Variants in TREML1 observed in about 807,000 individuals in gnomAD.
TREML1 encodes triggering receptor expressed on myeloid cells like 1.
A neutral mutation model predicts 22.8 loss-of-function variants in TREML1; 27 were observed. The ratio of observed to expected loss-of-function variants is 1.19; its 90% CI spans 0.87 to 1.64. The LOEUF (loss-of-function observed/expected upper bound fraction) is 1.64, where lower values mean the gene tolerates loss of function less well. TREML1 is among the 40% of genes most tolerant of loss of function. TREML1 has a pLI of 0.00. For synonymous variants in TREML1, 153 were observed against 161.9 expected, an observed-to-expected ratio of 0.94 and a Z score of 0.42; for missense variants, 356 against 382.0, an observed-to-expected ratio of 0.93 and a Z score of 0.57.
At position 41,149,686 on chromosome 6, in the gene TREML1, A is replaced by T. The variant is rs779045433; in HGVS notation, c.854T>A (p.Ile285Asn). 6.2e-7 allele frequency: 1 copy of T among 1,614,176 alleles called. No individual in the cohort carries two copies. Among genetic ancestry groups the T allele is most frequent in the Non-Finnish European group, 8.5e-7 (1 of 1,180,032 alleles). The part of the protein sequence containing the change: ...CSKPVTYATV[I>N]FPGGNKGGGT... ...TCCACCCTTGTTCCCTCCCGGGAAG[A>T]TTACTGTGGCATATGTCACAGGCTT... The change falls in exon 6 of 6, where the codon ATC becomes AAC. Residue 285 changes from isoleucine (I) to asparagine (N), a missense_variant. Transcript: ENST00000426005.
chr6:41,154,162 G>A (rs914514647), intron 1 of TREML1, 72 bp from the exon 2 acceptor site: 2 of 1,588,194 alleles, frequency 1.3e-6, no homozygotes, highest in East Asian at 2.2e-5. Flanking sequence ...GCTGGTATGG[G>A]TGTGGCATTC....
At chr6:41,152,822 G>A (rs906314817) in intron 2 of TREML1, among the ~76,000 whole-genome samples, 4 of 152,074 alleles carry the variant, frequency 2.6e-5, no homozygotes, top group Non-Finnish European at 1.5e-5. Context: ...GCAGTGAGCC[G>A]ATAGTGCCAC....
Position 41,154,282 on chromosome 6 carries a change from G to C in TREML1, c.7C>G (p.Leu3Val), listed in dbSNP as rs751687601. 1 of 1,614,072 alleles carries C rather than the reference G, an allele frequency of 6.2e-7. No individual in the cohort carries two copies. The highest frequency in any genetic ancestry group is 8.5e-7 in the Non-Finnish European group (1 of 1,179,982). Residue 3 changes from leucine to valine, a missense_variant, in exon 1 of 6, where the codon CTC becomes GTC. Leu to Val is a conservative substitution (Grantham distance 32). Coordinates refer to ENST00000426005, the MANE Select transcript of TREML1 (RefSeq NM_178174.4). MGLTLLLLLLLGL... is the reference protein window; with the variant it reads MGVTLLLLLLLGL... ...AGGAGCAGCAGCAAGAGCAGGGTGAGGCCCATGGCTGGGCAGAGAAATGTC... is the reference window on the plus strand; with the variant it reads ...AGGAGCAGCAGCAAGAGCAGGGTGACGCCCATGGCTGGGCAGAGAAATGTC...
chr6:41,155,375 T>C (rs878947728), upstream of TREML1, among the ~76,000 whole-genome samples: 23 of 136,828 alleles, frequency 1.7e-4, no homozygotes, highest in Admixed American at 6.5e-4. Context: ...GAGTAAACGT[T>C]TCTCTCTCTC....
chr6:41,154,128 C>T, intron 1 of TREML1, 38 bp from the exon 2 acceptor site: 1 of 1,597,306 alleles, frequency 6.3e-7, no homozygotes, highest in Non-Finnish European at 8.5e-7. Flanking sequence ...TGGGCAGGAG[C>T]TGGGAGCATC....
intron 2 of TREML1, chr6:41,151,617 C>A: frequency 1.9e-6 from 1 of 529,720 alleles, no homozygotes; most frequent in Non-Finnish European, 3.4e-6. Context: ...GTGACTACAC[C>A]CACTTTTCCC....
rs1309618487 is a variant in TREML1, at chr6:41,151,383, C to T, written c.378G>A (p.Glu126=). The part of the protein sequence containing the change: ...HRVSLNILPP[E]EEEETHKIGS... ...CAATCTTATGGGTCTCTTCTTCTTC[C>T]TCTGTCAGGCCAGGAATGGAGTCAG... The change falls in exon 3 of 6, where the codon GAG becomes GAA. Residue 126 remains glutamate (E), a splice_region_variant and synonymous_variant. Coordinates refer to ENST00000426005, the MANE Select transcript of TREML1 (RefSeq NM_178174.4). The T allele has an allele frequency of 6.2e-7, 1 of 1,613,352 alleles. No individual in the cohort carries two copies. Among genetic ancestry groups the T allele is most frequent in the East Asian group, 2.2e-5 (1 of 44,876 alleles).
chr6:41,150,017 G>T, intron 5 of TREML1, 99 bp from the exon 6 acceptor site: 2 of 1,227,062 alleles, frequency 1.6e-6, no homozygotes, highest in Non-Finnish European at 2.3e-6. Flanking sequence ...CTTGAATCCT[G>T]AGTATATCAG....
rs775095905 is a variant in TREML1 at position 41,154,309 on chromosome 6, ACTC to A, written c.-24_-22del. The A allele has an allele frequency of 7.4e-6, 12 of 1,612,344 alleles. 1 individual carries two copies. In the Admixed American group the frequency reaches 1.8e-4, roughly 25 times the overall value. On this transcript the variant is annotated 5_prime_UTR_variant, in exon 1 of 6. Coordinates refer to ENST00000426005, the MANE Select transcript of TREML1 (RefSeq NM_178174.4). Reference sequence around the variant, plus strand: ...CCCATGGCTGGGCAGAGAAATGTCAACTCCTGGGCTTGCCTGGGCACTGATGCA... The same window carrying A: ...CCCATGGCTGGGCAGAGAAATGTCAACTGGGCTTGCCTGGGCACTGATGCA...
In TREML1 at chr6:41,149,694, G is replaced by A; in HGVS notation, c.846C>T (p.Ala282=). ...TGTTCCCTCCCGGGAAGATTACTGT[G>A]GCATATGTCACAGGCTTGGAGCAGA... is the stretch of plus-strand genomic sequence containing the variant. ...VLVCSKPVTY[A]TVIFPGGNKG... The change falls in exon 6 of 6, where the codon GCC becomes GCT. Residue 282 remains alanine, a synonymous_variant. Transcript: ENST00000426005. 2 of 1,614,182 alleles carry A rather than the reference G, an allele frequency of 1.2e-6. No homozygotes were observed. The highest frequency in any genetic ancestry group is 1.1e-5 in the South Asian group (1 of 91,088).
chr6:41,154,119 G>C (rs1271730999), intron 1 of TREML1, 29 bp from the exon 2 acceptor site: 1 of 1,600,960 alleles, frequency 6.2e-7, no homozygotes, highest in Admixed American at 1.7e-5. Context: ...TGGGAATTTT[G>C]GGCAGGAGCT....
chr6:41,149,410 G>T lies in TREML1; in HGVS notation c.*194C>A, dbSNP rs966649278. The T allele has an allele frequency of 3.4e-6, 2 of 589,644 alleles. No individual in the cohort carries two copies. The highest frequency in any genetic ancestry group is 5.9e-6 in the Non-Finnish European group (2 of 338,412). 36.5% of individuals were successfully genotyped at this position (589,644 alleles called of 1,614,324 possible). ...GTAGAAGAACCAGTGGGGGAGTTGG[G>T]TGCAGGGAGGTCTTCCCCAAGACAT... On this transcript the variant is annotated 3_prime_UTR_variant, in exon 6 of 6. Transcript: ENST00000426005.
chr6:41,152,457 G>A (rs1328966239), intron 2 of TREML1, among the ~76,000 whole-genome samples: 1 of 152,150 alleles, frequency 6.6e-6, no homozygotes, highest in Non-Finnish European at 1.5e-5. Flanking sequence ...GTCAAGGAAT[G>A]AGGAGGGCAA....
Position 41,149,564 on chromosome 6 carries a change from C to G in TREML1, c.*40G>C. 1.3e-6 allele frequency: 2 copies of G among 1,572,152 alleles called. No homozygotes were observed. Among genetic ancestry groups the G allele is most frequent in the South Asian group, 1.2e-5 (1 of 83,328 alleles). ...CTGGCTGGATGGATGCACAGAACCC[C>G]TAGGGATGGTCCTCATGAGTTTAAA... On this transcript the variant is annotated 3_prime_UTR_variant, in exon 6 of 6. Coordinates refer to ENST00000426005, the MANE Select transcript of TREML1 (RefSeq NM_178174.4).
At position 41,154,061 on chromosome 6, in the gene TREML1, C is replaced by G; in HGVS notation, c.73G>C (p.Val25Leu). The change falls in exon 2 of 6, where the codon GTG (valine) becomes CTG (leucine). Residue 25 changes from valine to leucine, a missense_variant. Val to Leu is a conservative substitution (Grantham distance 32). Transcript: ENST00000426005. ...GQGIVGSLPEVLQAPVGSSIL... is the reference protein window; with the variant it reads ...GQGIVGSLPELLQAPVGSSIL... ...GAGCTTCCCACGGGTGCCTGCAGCA[C>G]CTCAGGGAGGCTGCCAACTATGCCC... The G allele has an allele frequency of 6.2e-7, 1 of 1,613,566 alleles. No individual in the cohort carries two copies.
In TREML1 at chr6:41,150,142, G is replaced by C. The variant is rs959432413; in HGVS notation, c.621+119C>G. Reference sequence around the variant, plus strand: ...TCAAGTTTACAGCATTTAGGAAGAGGGTTTGGACCCCAACTAGGTCCCAGT... The same window carrying C: ...TCAAGTTTACAGCATTTAGGAAGAGCGTTTGGACCCCAACTAGGTCCCAGT... On this transcript the variant is annotated intron_variant, in intron 5 of 5. Transcript: ENST00000426005. 4 of 1,179,622 alleles carry C rather than the reference G, an allele frequency of 3.4e-6. No homozygotes were observed. In the African/African-American group the frequency reaches 6.1e-5, roughly 18 times the overall value. The allele number at this position is 1,179,622 out of a possible 1,614,324, so 73.1% of individuals were successfully genotyped here. A position where few individuals can be genotyped will look rare whatever the true frequency, so the allele number is the denominator to read the frequency against.
chr6:41,150,731 G>T (rs1765222722), intron 4 of TREML1, 88 bp downstream of exon 4: 4 of 1,194,152 alleles, frequency 3.3e-6, no homozygotes, highest in East Asian at 2.3e-5. Context: ...TTTGTAGGGG[G>T]ATTGGACCTA....
chr6:41,153,851 G>A lies in TREML1; in HGVS notation c.283C>T (p.Gln95Ter). Residue 95 changes from glutamine to a stop codon, truncating the protein, a stop_gained, in exon 2 of 6, where the codon CAG becomes TAG. Coordinates refer to ENST00000426005, the MANE Select transcript of TREML1 (RefSeq NM_178174.4). LOFTEE classifies it high-confidence loss of function. The stretch of plus-strand genomic sequence containing the variant: ...CCATACTCGCCAGCATCCTCTTCCT[G>A]CAGGGTAACCATTTCCACCTGCAGC... ...GLLQVEMVTL[Q>*]EEDAGEYGCM... The A allele has an allele frequency of 6.2e-7, 1 of 1,614,170 alleles. No homozygotes were observed. The highest frequency in any genetic ancestry group is 8.5e-7 in the Non-Finnish European group (1 of 1,180,018).
chr6:41,153,070 A>C (rs927658668), intron 2 of TREML1, among the ~76,000 whole-genome samples: 1 of 151,414 alleles, frequency 6.6e-6, no homozygotes, highest in Admixed American at 6.6e-5. Context: ...AAAAAAAAAA[A>C]CCCAAGTTTT....
Sources: gnomAD v4.1 joint callset for allele counts (sites outside exome capture counted in the v4.1 genomes callset) on GRCh38, gnomAD v4.1.1 for gene constraint, MANE v1.5 for transcripts, NCBI Gene and HGNC (gene_info 2026-07-23, HGNC 2026-07-21) for gene names.